AATF: variants seen among roughly 807,000 people sequenced by gnomAD.
AATF encodes apoptosis antagonizing transcription factor, also known as protein AATF.
Under a neutral mutation model 63.7 loss-of-function variants are expected in AATF, and 48 were observed. The ratio of observed to expected loss-of-function variants is 0.75; its 90% CI spans 0.60 to 0.96. The LOEUF (loss-of-function observed/expected upper bound fraction) is 0.96, where lower values mean the gene tolerates loss of function less well. Ranked by LOEUF, AATF falls within the 40% of genes least tolerant of loss-of-function variation. The probability of loss-of-function intolerance (pLI) is 0.00; values close to 1 mark genes in which losing one functional copy is unlikely to be tolerated. For synonymous variants in AATF, 258 were observed against 247.7 expected, an observed-to-expected ratio of 1.04 and a Z score of -0.39; for missense variants, 639 against 685.7, an observed-to-expected ratio of 0.93 and a Z score of 0.76.
Position 36,986,622 on chromosome 17 carries a change from A to G in AATF, c.838A>G (p.Lys280Glu). 1 of 1,613,748 alleles carries G rather than the reference A, an allele frequency of 6.2e-7. No individual in the cohort carries two copies. Among genetic ancestry groups the G allele is most frequent in the East Asian group, 2.2e-5 (1 of 44,876 alleles). Residue 280 changes from lysine to glutamate, a missense_variant, in exon 5 of 12, where the codon AAG becomes GAG. Physicochemically the swap from Lys to Glu is moderately conservative, Grantham distance 56. Coordinates refer to ENST00000619387, the MANE Select transcript of AATF (RefSeq NM_012138.4). ...CTCTGTCCTTTATTTCCCAGGTCAC[A>G]AGGCACTTAAAGCATTGTTGAGGTC... ...EFSSALKNSH[K>E]ALKALLRSLV...
At chr17:37,031,500 T>C in intron 10 of AATF, 114 bp from the exon 11 acceptor site, 4 of 883,966 alleles carry the variant, frequency 4.5e-6, no homozygotes, top group Non-Finnish European at 7.6e-6. Flanking sequence ...TATCCCACTT[T>C]GTACCCAGAT....
intron 9 of AATF, 126 bp from the exon 10 acceptor site, chr17:37,020,808 A>G (rs2071463223): frequency 2.8e-6 from 2 of 719,506 alleles, no homozygotes; most frequent in Non-Finnish European, 4.4e-6. Flanking sequence ...GCCCCAAACT[A>G]GCTTGAGGAA....
intron 8 of AATF, among the ~76,000 whole-genome samples, chr17:36,993,906 C>A (rs1247921093): frequency 6.6e-6 from 1 of 152,194 alleles, no homozygotes; most frequent in Non-Finnish European, 1.5e-5. Context: ...TCTACACACA[C>A]ATACTCATTC....
intron 1 of AATF, 145 bp from the exon 2 acceptor site, chr17:36,950,069 G>A: frequency 2.3e-6 from 2 of 862,450 alleles, no homozygotes; most frequent in Non-Finnish European, 3.7e-6. Flanking sequence ...GTTCTACTTT[G>A]GGAGAGAGTG....
chr17:36,998,708 T>C (rs1352494827), intron 8 of AATF: 1 of 152,202 alleles, frequency 6.6e-6, no homozygotes, highest in East Asian at 1.9e-4. Context: ...GACAATATAG[T>C]GAGACCCTGT....
At chr17:36,993,234 T>C (rs1196769813) in intron 8 of AATF, among the ~76,000 whole-genome samples, 1 of 152,200 alleles carries the variant, frequency 6.6e-6, no homozygotes. Context: ...GCACATTCAT[T>C]TTCTTTTCTT....
chr17:36,984,386 T>G (rs1407833318), intron 4 of AATF, among the ~76,000 whole-genome samples: 8 of 151,920 alleles, frequency 5.3e-5, no homozygotes, highest in South Asian at 2.1e-4. Context: ...TGCAGAGAGG[T>G]TCAGACAGGG....
intron 4 of AATF, among the ~76,000 whole-genome samples, chr17:36,977,541 G>T (rs1352649647): frequency 4.0e-5 from 6 of 151,618 alleles, no homozygotes; most frequent in Admixed American, 3.3e-4. Context: ...GGGGTTACTT[G>T]GATTGTGGTT....
intron 10 of AATF, among the ~76,000 whole-genome samples, chr17:37,030,069 T>C (rs2071541381): frequency 6.6e-6 from 1 of 152,118 alleles, no homozygotes; most frequent in African/African-American, 2.4e-5. Flanking sequence ...TTTGTATTAC[T>C]TTTTTTCTGG....
chr17:36,956,053 C>A (rs1225922611), intron 4 of AATF, among the ~76,000 whole-genome samples: 1 of 152,136 alleles, frequency 6.6e-6, no homozygotes, highest in Non-Finnish European at 1.5e-5. Flanking sequence ...GTGTGAGCCA[C>A]CATACTCAAC....
At chr17:37,053,739 A>G (rs1183636363) in intron 11 of AATF, among the ~76,000 whole-genome samples, 1 of 152,114 alleles carries the variant, frequency 6.6e-6, no homozygotes, top group Non-Finnish European at 1.5e-5. Context: ...GGTGGTGCGC[A>G]CCTGCAGTCC....
chr17:37,028,305 C>G (rs1244083495), intron 10 of AATF, among the ~76,000 whole-genome samples: 2 of 151,964 alleles, frequency 1.3e-5, no homozygotes, highest in African/African-American at 4.8e-5. Context: ...CTAGTCCCAG[C>G]TCCTTGGTGG....
intron 10 of AATF, among the ~76,000 whole-genome samples, chr17:37,024,030 GA>G (rs1354161476): frequency 1.8e-4 from 28 of 151,766 alleles, no homozygotes; most frequent in South Asian, 4.2e-4. Flanking sequence ...AGAATAATAA[GA>G]AAAAAAATTG....
intron 4 of AATF, among the ~76,000 whole-genome samples, chr17:36,981,702 C>CTTTTTTTTTTTTTTTTTTTT (rs71368433): frequency 1.8e-5 from 2 of 110,480 alleles, no homozygotes; most frequent in African/African-American, 7.0e-5. Context: ...TCTTTCTTTT[C>CTTTTTTTTTTTTTTTTTTTT]TTTTTTTTTT....
At chr17:37,015,166 A>T (rs1158247615) in intron 8 of AATF, among the ~76,000 whole-genome samples, 2 of 152,176 alleles carry the variant, frequency 1.3e-5, no homozygotes, top group Admixed American at 1.3e-4. Flanking sequence ...TATTATTCGG[A>T]ATCTCTGAAA....
In AATF at chr17:36,950,279, G is replaced by A; in HGVS notation, c.157G>A (p.Val53Met). 6.2e-7 allele frequency: 1 copy of A among 1,614,202 alleles called. No individual in the cohort carries two copies. The highest frequency in any genetic ancestry group is 8.5e-7 in the Non-Finnish European group (1 of 1,180,022). The change falls in exon 2 of 12, where the codon GTG becomes ATG. Residue 53 changes from valine (V) to methionine (M), a missense_variant. Val to Met is a conservative substitution (Grantham distance 21). Transcript: ENST00000619387. ...GEDGEGDFLV[V>M]GSIRKLASAS... ...AGATGGGGAAGGTGATTTCCTAGTA[G>A]TGGGTAGCATTAGAAAACTGGCATC...
chr17:36,994,219 G>A (rs546006690), intron 8 of AATF, among the ~76,000 whole-genome samples: 4 of 152,240 alleles, frequency 2.6e-5, no homozygotes, highest in African/African-American at 9.6e-5. Context: ...GTCTTGCTCT[G>A]TCCATACCTT....
intron 11 of AATF, chr17:37,045,979 C>A (rs1597741493): frequency 1.3e-5 from 2 of 151,920 alleles, no homozygotes; most frequent in South Asian, 4.2e-4. Flanking sequence ...CTATTAAAAA[C>A]CAAAAAATTA....
At chr17:37,029,692 A>G (rs1405074204) in intron 10 of AATF, among the ~76,000 whole-genome samples, 1 of 151,510 alleles carries the variant, frequency 6.6e-6, no homozygotes, top group Non-Finnish European at 1.5e-5. Flanking sequence ...CAGCCTCCCT[A>G]TTTACTGGGA....
Sources: allele counts gnomAD v4.1 joint callset (sites outside exome capture counted in the v4.1 genomes callset), GRCh38; gene constraint gnomAD v4.1.1; transcripts MANE v1.5; gene names NCBI Gene and HGNC (gene_info 2026-07-23, HGNC 2026-07-21).